RBM6: variants seen among roughly 807,000 people sequenced by gnomAD.
The protein encoded by RBM6 is RNA binding motif protein 6.
RBM6 carries 23 observed loss-of-function variants against 140.4 expected under a neutral mutation model. The observed-to-expected ratio is 0.16, with a 90% CI of 0.12 to 0.23. The LOEUF is 0.23. RBM6 is among the 10% of genes least tolerant of loss of function. The probability of loss-of-function intolerance (pLI) is 1.00; values close to 1 mark genes in which losing one functional copy is unlikely to be tolerated. For synonymous variants in RBM6, 439 were observed against 475.6 expected (o/e 0.92, Z 1.00); for missense variants, 1,139 against 1,386.7 (o/e 0.82, Z 2.84).
At position 50,015,433 on chromosome 3, in the gene RBM6, T is replaced by TA. The variant is rs542341799; in HGVS notation, c.1557+15920_1557+15921insA. On this transcript the variant is annotated intron_variant, in intron 6 of 20. Transcript: ENST00000266022. ...ATTTTTATTTTATTATTATTATTATTTTTTTTTTTTTTTTTGAGATGGAGC... is the reference window on the plus strand; with the variant it reads ...ATTTTTATTTTATTATTATTATTATTATTTTTTTTTTTTTTTGAGATGGAGC... 2.7e-3 allele frequency among the ~76,000 whole-genome samples: 389 copies of TA among 143,204 alleles called. 1 individual carries two copies. Among genetic ancestry groups the TA allele is most frequent in the South Asian group, 5.7e-3 (26 of 4,560 alleles). 93.9% of individuals were successfully genotyped at this position (143,204 alleles called of 152,430 possible). A position where few individuals can be genotyped will look rare whatever the true frequency, so the allele number is the denominator to read the frequency against.
At chr3:50,049,385 C>T (rs1246983976) in intron 7 of RBM6, among the ~76,000 whole-genome samples, 1 of 152,134 alleles carries the variant, frequency 6.6e-6, no homozygotes, top group Non-Finnish European at 1.5e-5. Context: ...ATTGAGATTA[C>T]AGGCTTGAGC....
chr3:49,967,847 C>T lies in RBM6; in HGVS notation c.422C>T (p.Thr141Ile), dbSNP rs777163132. Residue 141 changes from threonine to isoleucine, a missense_variant, in exon 3 of 21, where the codon ACT becomes ATT. This residue lies in a region of RBM6 where 566 missense variants were observed against 612.7 expected (regional missense o/e 0.92). Transcript: ENST00000266022. This position sits in a 1 kb window ranked among gnomAD's most constrained non-coding sequence, Gnocchi z 4.0. ...ATGGACTATAGGGGTGGAGATGGTACTTCTATGGATTATAGAGGTAGGGAG... is the reference window on the plus strand; with the variant it reads ...ATGGACTATAGGGGTGGAGATGGTATTTCTATGGATTATAGAGGTAGGGAG... The part of the protein sequence containing the change: ...PPMDYRGGDG[T>I]SMDYRGREAP... 7.4e-6 allele frequency: 12 copies of T among 1,614,040 alleles called. No homozygotes were observed. Among genetic ancestry groups the T allele is most frequent in the Admixed American group, 1.7e-5 (1 of 59,986 alleles).
chr3:50,029,122 C>T (rs543994227), intron 6 of RBM6, among the ~76,000 whole-genome samples: 17 of 152,148 alleles, frequency 1.1e-4, no homozygotes, highest in Non-Finnish European at 1.9e-4. Context: ...TTTAGGTTGT[C>T]TAGGGCCTTG....
chr3:49,958,383 G>A (rs1466755653), intron 1 of RBM6, among the ~76,000 whole-genome samples: 6 of 152,002 alleles, frequency 3.9e-5, no homozygotes, highest in African/African-American at 9.7e-5. Context: ...GTGAAACCCC[G>A]TCTCCACTAA....
chr3:50,040,622 G>T (rs1349119403), intron 6 of RBM6, among the ~76,000 whole-genome samples: 4 of 149,472 alleles, frequency 2.7e-5, no homozygotes, highest in Non-Finnish European at 5.9e-5. Flanking sequence ...TTATGTCAGG[G>T]TCTGGCTTGG....
At position 49,968,625 on chromosome 3, in the gene RBM6, T is replaced by C. The variant is rs2084619184; in HGVS notation, c.1200T>C (p.Asp400=). The C allele has an allele frequency of 6.2e-7, 1 of 1,614,130 alleles. No individual in the cohort carries two copies. The highest frequency in any genetic ancestry group is 1.3e-5 in the African/African-American group (1 of 75,016). ...ACTTTCTTGGGCGGCAAGACACCGA[T>C]TACAGAAGCATGGAGTACCGTGATG... ...GLDFLGRQDT[D]YRSMEYRDVD... is the part of the protein sequence containing the mutation. Residue 400 remains aspartate, a synonymous_variant, in exon 3 of 21, where the codon GAT becomes GAC. Transcript: ENST00000266022.
rs751177744 is a variant in RBM6 at position 50,077,073 on chromosome 3, C to A, written c.3312C>A (p.Asn1104Lys). The A allele has an allele frequency of 1.2e-6, 2 of 1,613,250 alleles. No homozygotes were observed. The highest frequency in any genetic ancestry group is 1.7e-6 in the Non-Finnish European group (2 of 1,179,838). ...ASGRTSKRQS[N>K]ETYRDAVRRV... The stretch of plus-strand genomic sequence containing the variant: ...GAAGAACCAGCAAAAGACAGTCCAA[C>A]GAGACTTACCGAGATGCTGTTCGAA... Residue 1104 changes from asparagine to lysine, a missense_variant, in exon 21 of 21, where the codon AAC (asparagine) becomes AAA (lysine). Coordinates refer to ENST00000266022, the MANE Select transcript of RBM6 (RefSeq NM_005777.3).
chr3:50,073,979 A>G (rs1241201905), intron 19 of RBM6, among the ~76,000 whole-genome samples: 2 of 151,776 alleles, frequency 1.3e-5, no homozygotes, highest in Non-Finnish European at 2.9e-5. Context: ...CCTCCCCAGT[A>G]GCTGGGACTA....
chr3:50,016,660 A>G (rs962066022), intron 6 of RBM6, among the ~76,000 whole-genome samples: 1 of 151,874 alleles, frequency 6.6e-6, no homozygotes, highest in Non-Finnish European at 1.5e-5. Flanking sequence ...ATGAGGTGAC[A>G]TCTCATTATG....
At chr3:50,038,554 G>A (rs981260168) in intron 6 of RBM6, among the ~76,000 whole-genome samples, 1 of 152,124 alleles carries the variant, frequency 6.6e-6, no homozygotes, top group African/African-American at 2.4e-5. Context: ...AAATCAGGCC[G>A]GGTACAGGGG....
chr3:49,959,418 C>T (rs2084176243), intron 1 of RBM6, among the ~76,000 whole-genome samples: 1 of 139,514 alleles, frequency 7.2e-6, no homozygotes, highest in Non-Finnish European at 1.6e-5. Context: ...CCAGGATGGT[C>T]TCAATCTCCT....
At chr3:49,941,848 G>A (rs1461316807) in intron 1 of RBM6, among the ~76,000 whole-genome samples, 5 of 150,998 alleles carry the variant, frequency 3.3e-5, no homozygotes, top group Admixed American at 6.6e-5. Flanking sequence ...GATTACAGGC[G>A]TGAGCCACCG....
At position 50,070,488 on chromosome 3, in the gene RBM6, G is replaced by A; in HGVS notation, c.3052G>A (p.Glu1018Lys). The change falls in exon 19 of 21, where the codon GAA becomes AAA. Residue 1018 changes from glutamate (E) to lysine (K), a missense_variant. Physicochemically the swap from Glu to Lys is moderately conservative, Grantham distance 56. Coordinates refer to ENST00000266022, the MANE Select transcript of RBM6 (RefSeq NM_005777.3). The stretch of plus-strand genomic sequence containing the variant: ...TAAAGGAAGAGGAAATGATCGCAGG[G>A]AAAAGCTCCAGTCTTTTGACTCTCC... ...KFKGRGNDRR[E>K]KLQSFDSPER... 6.2e-7 allele frequency: 1 copy of A among 1,614,084 alleles called. No homozygotes were observed. Among genetic ancestry groups the A allele is most frequent in the Non-Finnish European group, 8.5e-7 (1 of 1,179,960 alleles).
At chr3:50,024,522 T>C (rs777867549) in intron 6 of RBM6, among the ~76,000 whole-genome samples, 1 of 152,172 alleles carries the variant, frequency 6.6e-6, no homozygotes, top group Non-Finnish European at 1.5e-5. Flanking sequence ...TCACAAAAGA[T>C]GTATTCTTTT....
intron 2 of RBM6, 176 bp downstream of exon 2, chr3:49,962,861 G>C: frequency 2.0e-6 from 1 of 509,682 alleles, no homozygotes; most frequent in Non-Finnish European, 3.3e-6. Context: ...ACTTTGGGAG[G>C]CTGAGGCGGG....
At position 50,060,957 on chromosome 3, in the gene RBM6, A is replaced by C; in HGVS notation, c.2230A>C (p.Asn744His). 6.4e-7 allele frequency: 1 copy of C among 1,568,014 alleles called. No homozygotes were observed. The highest frequency in any genetic ancestry group is 1.2e-5 in the South Asian group (1 of 82,420). Residue 744 changes from asparagine (N) to histidine (H), a missense_variant and splice_region_variant, in exon 12 of 21, where the codon AAT becomes CAT. This residue lies in a region of RBM6 where 163 missense variants were observed against 182.8 expected (regional missense o/e 0.89). Transcript: ENST00000266022. ...GAATTGTTGTGTTATCTGTTGCAGAAATGATTCTGGGGACCATTCTGACCA... is the reference window on the plus strand; with the variant it reads ...GAATTGTTGTGTTATCTGTTGCAGACATGATTCTGGGGACCATTCTGACCA... ...AVNLATGKRR[N>H]DSGDHSDHMH...
chr3:50,060,319 A>G (rs2089884160), intron 11 of RBM6, among the ~76,000 whole-genome samples: 1 of 151,524 alleles, frequency 6.6e-6, no homozygotes, highest in African/African-American at 2.4e-5. Flanking sequence ...TTCCTCCTTC[A>G]CTCATCTTGA....
At chr3:49,970,532 A>C (rs1007058999) in intron 3 of RBM6, among the ~76,000 whole-genome samples, 1 of 152,102 alleles carries the variant, frequency 6.6e-6, no homozygotes, top group Non-Finnish European at 1.5e-5. Flanking sequence ...TTCTTATTTA[A>C]ATTCATTGAG....
chr3:50,005,253 T>G (rs2086520624), intron 6 of RBM6, among the ~76,000 whole-genome samples: 1 of 152,034 alleles, frequency 6.6e-6, no homozygotes. Context: ...TTCCAGCACT[T>G]TTGCAGGCTG....
Sources: allele counts gnomAD v4.1 joint callset (sites outside exome capture counted in the v4.1 genomes callset), GRCh38; gene constraint gnomAD v4.1.1; regional missense constraint gnomAD v4.1.1; non-coding constraint Gnocchi (gnomAD v3.1); transcripts MANE v1.5; gene names NCBI Gene and HGNC (gene_info 2026-07-23, HGNC 2026-07-21).